The following MARK1 variants were observed in gnomAD, a reference collection of about 807,000 sequenced individuals.
MARK1 encodes the protein serine/threonine-protein kinase MARK1.
Under a neutral mutation model 96.3 loss-of-function variants are expected in MARK1, and 40 were observed. That is an observed-to-expected ratio of 0.42 (90% CI 0.32 to 0.54). The LOEUF (loss-of-function observed/expected upper bound fraction) is 0.54. Among genes scored for constraint, MARK1 ranks in the 20% least tolerant of loss-of-function variants. MARK1 has a pLI of 0.16. For synonymous variants in MARK1, 317 were observed against 341.2 expected (o/e 0.93, Z 0.78); for missense variants, 719 against 984.6 (o/e 0.73, Z 3.61).
At chr1:220,635,739 A>G (rs1667924320) in intron 12 of MARK1, 94 bp from the exon 13 acceptor site, 1 of 1,222,196 alleles carries the variant, frequency 8.2e-7, no homozygotes, top group African/African-American at 1.5e-5. Flanking sequence ...AAAGCATGCA[A>G]ATATGGATAA....
chr1:220,539,069 C>A (rs1045662516), intron 1 of MARK1, among the ~76,000 whole-genome samples: 15 of 151,972 alleles, frequency 9.9e-5, no homozygotes, highest in Admixed American at 3.9e-4. Context: ...TTTCCTTCTC[C>A]TGCCTAATTG....
In MARK1 at chr1:220,653,363, A is replaced by C; in HGVS notation, c.1988+11A>C. On this transcript the variant is annotated intron_variant, in intron 16 of 17. Coordinates refer to ENST00000366917, the MANE Select transcript of MARK1 (RefSeq NM_018650.5). Reference sequence around the variant, plus strand: ...CAAATTTGTTCGCAGGTCAGTACCAATGTACTGTCGTGTTTTGATTCCTCT... The same window carrying C: ...CAAATTTGTTCGCAGGTCAGTACCACTGTACTGTCGTGTTTTGATTCCTCT... 6.2e-7 allele frequency: 1 copy of C among 1,613,322 alleles called. No individual in the cohort carries two copies. The highest frequency in any genetic ancestry group is 8.5e-7 in the Non-Finnish European group (1 of 1,179,276).
intron 1 of MARK1, among the ~76,000 whole-genome samples, chr1:220,535,338 C>T (rs1037565096): frequency 7.2e-5 from 11 of 151,960 alleles, no homozygotes; most frequent in African/African-American, 1.4e-4. Flanking sequence ...TGATGTTCAC[C>T]GTCTTTTTAT....
intron 3 of MARK1, among the ~76,000 whole-genome samples, chr1:220,593,067 G>A (rs939350952): frequency 5.3e-5 from 8 of 152,144 alleles, no homozygotes; most frequent in African/African-American, 1.9e-4. Context: ...GGACTTTTCT[G>A]TTAGAGATAT....
chr1:220,561,583 G>A (rs1050822992), intron 1 of MARK1, among the ~76,000 whole-genome samples: 2 of 152,132 alleles, frequency 1.3e-5, no homozygotes, highest in South Asian at 2.1e-4. Flanking sequence ...TGATAATAGT[G>A]TTTCTAAGCA....
chr1:220,601,181 G>C (rs1665721909), intron 5 of MARK1, among the ~76,000 whole-genome samples: 1 of 152,034 alleles, frequency 6.6e-6, no homozygotes, highest in Non-Finnish European at 1.5e-5. Flanking sequence ...GCCTCCCAAA[G>C]TGCTGGGATT....
At chr1:220,640,512 G>A (rs900904409) in intron 13 of MARK1, among the ~76,000 whole-genome samples, 13 of 152,170 alleles carry the variant, frequency 8.5e-5, no homozygotes, top group African/African-American at 2.9e-4. Flanking sequence ...TTAGTTATCT[G>A]AGTCATCTGT....
intron 9 of MARK1, chr1:220,626,201 T>C: frequency 1.8e-6 from 1 of 563,414 alleles, no homozygotes; most frequent in African/African-American, 1.9e-5. Context: ...ATCAATGACA[T>C]TGTCTTGGCC....
At chr1:220,593,811 G>A (rs1034838601) in intron 3 of MARK1, among the ~76,000 whole-genome samples, 1 of 152,152 alleles carries the variant, frequency 6.6e-6, no homozygotes. Context: ...CTCCATTTCT[G>A]TTGTCAGTCC....
rs1379852602 is a variant in MARK1, at chr1:220,662,348, A to G, written c.*182A>G. The G allele has an allele frequency of 1.8e-5, 10 of 562,542 alleles. No individual in the cohort carries two copies. Among genetic ancestry groups the G allele is most frequent in the Non-Finnish European group, 2.5e-5 (8 of 317,556 alleles). 34.8% of individuals were successfully genotyped at this position (562,542 alleles called of 1,614,324 possible). On this transcript the variant is annotated 3_prime_UTR_variant, in exon 18 of 18. Transcript: ENST00000366917. ...TTAAAGTCAGTATGAACTATAATAA[A>G]TATCTGTAGCTTAAAAAGTAGGTTC...
At chr1:220,588,199 T>C (rs759988599) in intron 3 of MARK1, among the ~76,000 whole-genome samples, 2 of 152,222 alleles carry the variant, frequency 1.3e-5, no homozygotes, top group Non-Finnish European at 2.9e-5. Flanking sequence ...CTGAAATTAT[T>C]TAACTTCATA....
intron 3 of MARK1, among the ~76,000 whole-genome samples, chr1:220,590,923 T>C (rs1282538490): frequency 6.6e-6 from 1 of 152,138 alleles, no homozygotes; most frequent in East Asian, 1.9e-4. Flanking sequence ...CCAATGGCTG[T>C]GTATTGTTGT....
rs1441499748 is a variant in MARK1 at position 220,664,134 on chromosome 1, T to C, written c.*1968T>C. On this transcript the variant is annotated 3_prime_UTR_variant, in exon 18 of 18. Transcript: ENST00000366917. Reference sequence around the variant, plus strand: ...TCACTGAAATACGTTTTTAAAAAAATAGACTCATGTGTTTTCCACGGTAGA... The same window carrying C: ...TCACTGAAATACGTTTTTAAAAAAACAGACTCATGTGTTTTCCACGGTAGA... 1.3e-5 allele frequency: 2 copies of C among 152,208 alleles called. No individual in the cohort carries two copies. Among genetic ancestry groups the C allele is most frequent in the Non-Finnish European group, 2.9e-5 (2 of 68,006 alleles). The allele number at this position is 152,208 out of a possible 1,614,324, so 9.4% of individuals were successfully genotyped here.
intron 1 of MARK1, among the ~76,000 whole-genome samples, chr1:220,540,958 G>C (rs1661101571): frequency 6.6e-6 from 1 of 150,982 alleles, no homozygotes; most frequent in South Asian, 2.1e-4. Flanking sequence ...GTTTGAGATA[G>C]AGTCTTGCTC....
At chr1:220,604,262 T>C (rs1398134748) in intron 6 of MARK1, 125 bp downstream of exon 6, 3 of 515,148 alleles carry the variant, frequency 5.8e-6, no homozygotes, top group Admixed American at 7.2e-5. Flanking sequence ...TTCTTATATT[T>C]TTAAGGATGG....
intron 3 of MARK1, among the ~76,000 whole-genome samples, chr1:220,594,503 G>A (rs563406274): frequency 1.1e-4 from 17 of 152,288 alleles, no homozygotes; most frequent in African/African-American, 3.6e-4. Context: ...ATATGATCCA[G>A]CAGTTGCATT....
chr1:220,588,723 G>A (rs1664806777), intron 3 of MARK1, among the ~76,000 whole-genome samples: 1 of 152,094 alleles, frequency 6.6e-6, no homozygotes, highest in South Asian at 2.1e-4. Flanking sequence ...TGTTAACATA[G>A]ATAAAATATA....
rs747257712 is a variant in MARK1 at position 220,579,566 on chromosome 1, G to C, written c.255+9G>C. 1 of 1,612,330 alleles carries C rather than the reference G, an allele frequency of 6.2e-7. No homozygotes were observed. Among genetic ancestry groups the C allele is most frequent in the South Asian group, 1.1e-5 (1 of 90,974 alleles). On this transcript the variant is annotated intron_variant, in intron 2 of 17. Transcript: ENST00000366917. Reference sequence around the variant, plus strand: ...TTCTAACTGGTAGAGAGGTAAGTTTGCACAATGCCTTTTAATATCTGCCTG... The same window carrying C: ...TTCTAACTGGTAGAGAGGTAAGTTTCCACAATGCCTTTTAATATCTGCCTG...
intron 9 of MARK1, among the ~76,000 whole-genome samples, chr1:220,619,535 C>T (rs150613642): frequency 1.3e-5 from 2 of 152,140 alleles, no homozygotes; most frequent in African/African-American, 4.8e-5. Flanking sequence ...AGAAAATTTA[C>T]AAATATTTAA....
Sources: allele counts gnomAD v4.1 joint callset (sites outside exome capture counted in the v4.1 genomes callset), GRCh38; gene constraint gnomAD v4.1.1; transcripts MANE v1.5; gene names NCBI Gene and HGNC (gene_info 2026-07-23, HGNC 2026-07-21).